The following CTCF variants were observed in gnomAD, a reference collection of about 807,000 sequenced individuals.
CTCF encodes CCCTC-binding factor.
CTCF carries 7 observed loss-of-function variants against 72.3 expected under a neutral mutation model. The ratio of observed to expected loss-of-function variants is 0.10; its 90% CI spans 0.06 to 0.18. The LOEUF (loss-of-function observed/expected upper bound fraction) is 0.18, where lower values mean the gene tolerates loss of function less well. CTCF is among the 10% of genes least tolerant of loss of function. The pLI, the probability that CTCF is intolerant of heterozygous loss-of-function variation, is 1.00. For missense variants in CTCF, 516 were observed against 949.1 expected (o/e 0.54, Z 6.00); for synonymous variants, 374 against 315.8 (o/e 1.18, Z -1.95).
intron 2 of CTCF, among the ~76,000 whole-genome samples, chr16:67,596,016 TA>T (rs1369155708): frequency 6.6e-6 from 1 of 151,830 alleles, no homozygotes; most frequent in Non-Finnish European, 1.5e-5. Context: ...TGCAGTGGCA[TA>T]CTTTCGGCTC....
intron 2 of CTCF, among the ~76,000 whole-genome samples, chr16:67,591,176 C>T (rs2051738841): frequency 6.6e-6 from 1 of 151,850 alleles, no homozygotes; most frequent in Non-Finnish European, 1.5e-5. Context: ...GCCTGTAATC[C>T]CAGCTACTCA....
chr16:67,604,504 G>A (rs1420041395), intron 2 of CTCF, among the ~76,000 whole-genome samples: 3 of 151,942 alleles, frequency 2.0e-5, no homozygotes, highest in Non-Finnish European at 4.4e-5. Context: ...CACCACGCCC[G>A]GCTAATTTTT....
chr16:67,594,578 TAAAAAAA>T (rs1205293963), intron 2 of CTCF, among the ~76,000 whole-genome samples: 1 of 151,738 alleles, frequency 6.6e-6, no homozygotes, highest in Non-Finnish European at 1.5e-5. Flanking sequence ...TAGTGATGCG[TAAAAAAA>T]CTTCGCATCA....
chr16:67,587,053 C>T (rs549680644), intron 2 of CTCF, among the ~76,000 whole-genome samples: 1 of 150,870 alleles, frequency 6.6e-6, no homozygotes, highest in South Asian at 2.1e-4. Flanking sequence ...TGTGCCTGGC[C>T]TGCTACTTGC....
chr16:67,636,976 A>G (rs1381398704), intron 11 of CTCF, 125 bp downstream of exon 11: 8 of 875,084 alleles, frequency 9.1e-6, no homozygotes, highest in African/African-American at 8.6e-5. Context: ...GCATGTCGAG[A>G]ACAAACTCTC....
chr16:67,608,725 T>C (rs1300063985), intron 2 of CTCF, among the ~76,000 whole-genome samples: 2 of 145,202 alleles, frequency 1.4e-5, no homozygotes, highest in East Asian at 1.9e-4. Context: ...ATTTTGGAGG[T>C]GTATTTAGTG....
intron 7 of CTCF, among the ~76,000 whole-genome samples, chr16:67,624,147 A>G (rs574011736): frequency 9.9e-5 from 14 of 141,102 alleles, no homozygotes; most frequent in East Asian, 8.9e-4. Flanking sequence ...GTGTGTGTGT[A>G]TATATGTGTG....
intron 10 of CTCF, among the ~76,000 whole-genome samples, chr16:67,632,365 T>A (rs576817860): frequency 6.6e-6 from 1 of 152,326 alleles, no homozygotes; most frequent in East Asian, 1.9e-4. Flanking sequence ...TAGCTTCTGA[T>A]AGATTTCTAC....
chr16:67,634,950 G>A (rs2052410620), intron 10 of CTCF, among the ~76,000 whole-genome samples: 2 of 151,748 alleles, frequency 1.3e-5, no homozygotes, highest in Admixed American at 1.3e-4. Flanking sequence ...TGATCCACCT[G>A]CCTCAACCTC....
At chr16:67,637,632 T>C in intron 11 of CTCF, 56 bp from the exon 12 acceptor site, 1 of 1,486,636 alleles carries the variant, frequency 6.7e-7, no homozygotes, top group Non-Finnish European at 9.2e-7. Context: ...AAAAGACCCT[T>C]GTGATTCTTG....
At chr16:67,624,558 T>C (rs1040811809) in intron 7 of CTCF, among the ~76,000 whole-genome samples, 1 of 152,094 alleles carries the variant, frequency 6.6e-6, no homozygotes, top group South Asian at 2.1e-4. Context: ...TTAACCTTTT[T>C]TTCTCTCACT....
At chr16:67,580,967 C>G (rs115036094) in intron 2 of CTCF, among the ~76,000 whole-genome samples, 3 of 151,590 alleles carry the variant, frequency 2.0e-5, no homozygotes, top group Admixed American at 2.0e-4. Flanking sequence ...CTCGCTCTTT[C>G]GCCCACGCGG....
intron 2 of CTCF, among the ~76,000 whole-genome samples, chr16:67,594,578 T>TA (rs1001316385): frequency 1.3e-5 from 2 of 151,738 alleles, no homozygotes; most frequent in East Asian, 1.9e-4. Flanking sequence ...TAGTGATGCG[T>TA]AAAAAAACTT....
chr16:67,579,027 C>G (rs531670403), intron 2 of CTCF, among the ~76,000 whole-genome samples: 2 of 149,698 alleles, frequency 1.3e-5, no homozygotes, highest in East Asian at 4.1e-4. Context: ...GGCCAAGGTG[C>G]GTGGATCACC....
intron 2 of CTCF, among the ~76,000 whole-genome samples, chr16:67,585,056 TA>T (rs1472166739): frequency 2.2e-4 from 34 of 152,368 alleles, no homozygotes; most frequent in Middle Eastern, 3.4e-3. Context: ...TTTTGTTTTT[TA>T]TTTTTTAGAC....
chr16:67,625,186 C>T (rs1270804853), intron 7 of CTCF, among the ~76,000 whole-genome samples: 1 of 152,070 alleles, frequency 6.6e-6, no homozygotes, highest in Admixed American at 6.6e-5. Flanking sequence ...CCTTTGCCTC[C>T]TAAAGTGCTG....
intron 1 of CTCF, among the ~76,000 whole-genome samples, chr16:67,564,126 C>T (rs2051313804): frequency 6.6e-6 from 1 of 152,208 alleles, no homozygotes; most frequent in Non-Finnish European, 1.5e-5. Context: ...AAACCAAGTC[C>T]TCATAGGTGG....
chr16:67,635,478 G>GT (rs1215111609), intron 10 of CTCF: 1 of 151,702 alleles, frequency 6.6e-6, no homozygotes, highest in Non-Finnish European at 1.5e-5. Flanking sequence ...TTTCGTTTTT[G>GT]TTTTTTGTTT....
chr16:67,576,004 A>AT (rs1455033004), intron 2 of CTCF, among the ~76,000 whole-genome samples: 4 of 151,132 alleles, frequency 2.6e-5, no homozygotes, highest in Non-Finnish European at 1.5e-5. Context: ...AAAAAAAAAA[A>AT]AAAAAATGTA....
Sources: gnomAD v4.1 joint callset for allele counts (sites outside exome capture counted in the v4.1 genomes callset) on GRCh38, gnomAD v4.1.1 for gene constraint, MANE v1.5 for transcripts, NCBI Gene and HGNC (gene_info 2026-07-23, HGNC 2026-07-21) for gene names.